Variants in EDARADD observed in about 807,000 individuals in gnomAD.
The protein encoded by EDARADD is ectodysplasin-A receptor-associated adapter protein.
EDARADD carries 20 observed loss-of-function variants against 25.6 expected under a neutral mutation model. The observed-to-expected ratio is 0.78, with a 90% CI of 0.55 to 1.14. The LOEUF is 1.14. Among genes scored for constraint, EDARADD ranks in the 50% most tolerant of loss-of-function variants. The pLI is 0.00. For synonymous variants in EDARADD, 86 were observed against 94.4 expected (o/e 0.91, Z 0.52); for missense variants, 225 against 270.1 (o/e 0.83, Z 1.17).
At chr1:236,407,387 A>G (rs955849293) in intron 1 of EDARADD, among the ~76,000 whole-genome samples, 5 of 152,114 alleles carry the variant, frequency 3.3e-5, no homozygotes, top group Admixed American at 1.3e-4. Flanking sequence ...ATTTCTCTTC[A>G]GTGACTGGAG....
chr1:236,389,541 C>T (rs544812842), upstream of EDARADD, among the ~76,000 whole-genome samples: 1 of 152,172 alleles, frequency 6.6e-6, no homozygotes, highest in Non-Finnish European at 1.5e-5. Context: ...AATACACGCA[C>T]TGGAATGCTG....
chr1:236,357,070 G>GT, intron 3 of EDARADD, among the ~76,000 whole-genome samples: 1 of 149,784 alleles, frequency 6.7e-6, no homozygotes, highest in South Asian at 2.1e-4. Flanking sequence ...GGCAACAAGA[G>GT]TGAGGCTCTG....
Position 236,428,017 on chromosome 1 carries a change from G to C in EDARADD, c.219+567G>C, listed in dbSNP as rs542059073. Among the ~76,000 whole-genome samples the C allele has an allele frequency of 3.1e-3, 470 of 151,250 alleles. 2 individuals are homozygous for C. The highest frequency in any genetic ancestry group is 0.011 in the African/African-American group (441 of 40,996). ...ATTGATCATTCTTGGGTGTTTCACA[G>C]AGAGGGGGATTTGGCAGGGTCATAG... On this transcript the variant is annotated intron_variant, in intron 4 of 5. Transcript: ENST00000334232.
At chr1:236,413,734 T>C (rs1571920246) in intron 2 of EDARADD, among the ~76,000 whole-genome samples, 1 of 152,212 alleles carries the variant, frequency 6.6e-6, no homozygotes, top group African/African-American at 2.4e-5. Flanking sequence ...ACTGATGCAT[T>C]GAGGAACTGT....
chr1:236,405,729 CTT>C (rs1179788028), intron 1 of EDARADD, among the ~76,000 whole-genome samples: 2 of 20,502 alleles, frequency 9.8e-5, no homozygotes, highest in African/African-American at 2.2e-4. Context: ...CTTTCTTTTT[CTT>C]TCTTTCTTTC....
In EDARADD at chr1:236,351,886, G is replaced by C. The variant is rs113644484; in HGVS notation, c.-6+1047G>C. 1.7e-4 allele frequency among the ~76,000 whole-genome samples: 26 copies of C among 152,176 alleles called. 1 individual carries two copies. The highest frequency in any genetic ancestry group is 6.0e-4 in the African/African-American group (25 of 41,516). On this transcript the variant is annotated intron_variant, in intron 3 of 7. Transcript: ENST00000439430. ...TTTAATCAAGGGGCTGAATATTCAT[G>C]AGAATTCCTGGAAAAAGGTGGAGGT... is the stretch of plus-strand genomic sequence containing the variant.
At chr1:236,469,553 A>G (rs1659304342) in intron 5 of EDARADD, among the ~76,000 whole-genome samples, 1 of 152,166 alleles carries the variant, frequency 6.6e-6, no homozygotes, top group Non-Finnish European at 1.5e-5. Context: ...TAAAGCATAC[A>G]TTGACTGACT....
chr1:236,367,249 A>ATTT (rs1667121602), intron 3 of EDARADD, among the ~76,000 whole-genome samples: 2 of 151,622 alleles, frequency 1.3e-5, no homozygotes, highest in African/African-American at 4.9e-5. Context: ...ATTTTATTTT[A>ATTT]GACGGAGTCT....
rs190987551 is a variant in EDARADD at position 236,460,423 on chromosome 1, C to G, written c.220-7808C>G. On this transcript the variant is annotated intron_variant, in intron 4 of 5. Coordinates refer to ENST00000334232, the MANE Select transcript of EDARADD (RefSeq NM_145861.4). ...CTGGTTTTGAACTTCTGGGCTCAGA[C>G]AATCCACCCACCTTGGCCTCCCAAA... Among the ~76,000 whole-genome samples, 161 of 152,124 alleles carry G rather than the reference C, an allele frequency of 1.1e-3. 1 individual carries two copies. The highest frequency in any genetic ancestry group is 2.2e-4 in the Non-Finnish European group (15 of 67,990).
At chr1:236,399,538 C>A (rs570240594) in intron 1 of EDARADD, among the ~76,000 whole-genome samples, 1 of 152,268 alleles carries the variant, frequency 6.6e-6, no homozygotes, top group East Asian at 1.9e-4. Context: ...TGAGAAAATT[C>A]ACAAGACTGT....
chr1:236,433,134 A>G (rs936262346), intron 4 of EDARADD, among the ~76,000 whole-genome samples: 1 of 150,664 alleles, frequency 6.6e-6, no homozygotes, highest in African/African-American at 2.4e-5. Flanking sequence ...CGTTACTTTA[A>G]AAAGCATACT....
intron 4 of EDARADD, among the ~76,000 whole-genome samples, chr1:236,456,068 C>T (rs748110955): frequency 3.3e-5 from 5 of 152,186 alleles, no homozygotes; most frequent in Non-Finnish European, 7.4e-5. Context: ...GGATTATAGG[C>T]GTGAGCCACC....
chr1:236,409,086 AAGGAG>A, intron 1 of EDARADD, 125 bp from the exon 2 acceptor site: 1 of 496,842 alleles, frequency 2.0e-6, no homozygotes, highest in Non-Finnish European at 3.5e-6. Context: ...AAAAAAAAAA[AAGGAG>A]TAAGGTTTTC....
chr1:236,442,179 G>T (rs1658420906), intron 4 of EDARADD, among the ~76,000 whole-genome samples: 1 of 150,754 alleles, frequency 6.6e-6, no homozygotes, highest in African/African-American at 2.4e-5. Flanking sequence ...AGACTGGAGT[G>T]CAGGGGCACC....
intron 1 of EDARADD, among the ~76,000 whole-genome samples, chr1:236,400,542 A>G (rs916723753): frequency 6.6e-6 from 1 of 151,938 alleles, no homozygotes; most frequent in Admixed American, 6.6e-5. Flanking sequence ...AATCCTGAAT[A>G]TGTCTCAGGA....
chr1:236,365,750 T>C (rs1436321158), intron 3 of EDARADD, among the ~76,000 whole-genome samples: 2 of 152,362 alleles, frequency 1.3e-5, no homozygotes, highest in South Asian at 2.1e-4. Context: ...TTTATCTATA[T>C]GCTAAGTAGC....
At chr1:236,464,639 G>T (rs967906947) in intron 4 of EDARADD, among the ~76,000 whole-genome samples, 2 of 151,706 alleles carry the variant, frequency 1.3e-5, no homozygotes, top group Non-Finnish European at 2.9e-5. Flanking sequence ...TGCCATGTTG[G>T]CCAGGCTTCT....
At chr1:236,381,182 G>T (rs963617971) in intron 3 of EDARADD, among the ~76,000 whole-genome samples, 19 of 151,890 alleles carry the variant, frequency 1.3e-4, no homozygotes, top group Admixed American at 5.9e-4. Context: ...GCATGCTTTT[G>T]TTTTTTTCTG....
rs898889747 is a variant in EDARADD at position 236,369,786 on chromosome 1, G to A, written c.-6+18947G>A. On this transcript the variant is annotated intron_variant, in intron 3 of 7. Transcript: ENST00000439430. ...CTGGGAGGTGGAGGTTCGGTGAGCC[G>A]AGATTGCACCATTGCACTCCAGCCT... 3.9e-5 allele frequency among the ~76,000 whole-genome samples: 6 copies of A among 152,168 alleles called. No homozygotes were observed. The South Asian group carries it at 8.3e-4, about 21-fold the overall frequency.
Sources: allele counts gnomAD v4.1 joint callset (sites outside exome capture counted in the v4.1 genomes callset), GRCh38; gene constraint gnomAD v4.1.1; transcripts MANE v1.5; gene names NCBI Gene and HGNC (gene_info 2026-07-23, HGNC 2026-07-21).